The following WDR7 variants were observed in gnomAD, a reference collection of about 807,000 sequenced individuals.
The protein encoded by WDR7 is WD repeat domain 7.
Under a neutral mutation model 169.4 loss-of-function variants are expected in WDR7, and 46 were observed. The observed-to-expected ratio is 0.27, with a 90% CI of 0.21 to 0.35. WDR7 has a LOEUF of 0.35. Among genes scored for constraint, WDR7 ranks in the 10% least tolerant of loss-of-function variants. The probability of loss-of-function intolerance (pLI) is 1.00; values close to 1 mark genes in which losing one functional copy is unlikely to be tolerated. For synonymous variants in WDR7, 612 were observed against 666.8 expected (o/e 0.92, Z 1.27); for missense variants, 1,534 against 1,859.3 (o/e 0.83, Z 3.22).
chr18:56,679,301 T>C (rs1221380727), intron 2 of WDR7, 31 bp from the exon 3 acceptor site: 1 of 1,550,794 alleles, frequency 6.4e-7, no homozygotes, highest in Middle Eastern at 1.7e-4. Flanking sequence ...TTAAGTTTGG[T>C]ACTTAAACTA....
At chr18:57,023,126 C>T in intron 27 of WDR7, among the ~76,000 whole-genome samples, 1 of 152,216 alleles carries the variant, frequency 6.6e-6, no homozygotes, top group East Asian at 1.9e-4. Flanking sequence ...AAAACAAGTC[C>T]TTTCAGCTTT....
At chr18:56,844,368 A>G (rs909114310) in intron 20 of WDR7, among the ~76,000 whole-genome samples, 2 of 152,182 alleles carry the variant, frequency 1.3e-5, no homozygotes, top group African/African-American at 4.8e-5. Context: ...CTATTATTAG[A>G]ATAAATTTTT....
intron 13 of WDR7, among the ~76,000 whole-genome samples, chr18:56,728,504 C>G (rs1156389589): frequency 6.6e-6 from 1 of 152,138 alleles, no homozygotes; most frequent in Admixed American, 6.5e-5. Flanking sequence ...TTTATCCATC[C>G]TGGCTGATAC....
chr18:56,992,469 C>A (rs1275793825), intron 26 of WDR7, among the ~76,000 whole-genome samples: 3 of 152,036 alleles, frequency 2.0e-5, no homozygotes, highest in African/African-American at 7.2e-5. Context: ...AAGGAGTGAA[C>A]TTTCTTAAGC....
At chr18:56,772,741 GTATATA>G (rs955376975) in intron 16 of WDR7, among the ~76,000 whole-genome samples, 11 of 150,848 alleles carry the variant, frequency 7.3e-5, no homozygotes, top group Non-Finnish European at 1.3e-4. Flanking sequence ...TATATAGATA[GTATATA>G]TATTTATATT....
intron 20 of WDR7, among the ~76,000 whole-genome samples, chr18:56,816,912 ATTAAT>A (rs936991969): frequency 6.6e-6 from 1 of 152,354 alleles, no homozygotes; most frequent in African/African-American, 2.4e-5. Context: ...AGCAACAAAT[ATTAAT>A]TTAATAGTAA....
At chr18:56,799,676 C>T (rs2044641180) in intron 19 of WDR7, among the ~76,000 whole-genome samples, 4 of 152,098 alleles carry the variant, frequency 2.6e-5, no homozygotes. Flanking sequence ...TATATGTGTG[C>T]TAGCCTGATA....
Position 56,771,365 on chromosome 18 carries a change from A to G in WDR7, c.2849-5417A>G, listed in dbSNP as rs1392176223. On this transcript the variant is annotated intron_variant, in intron 16 of 27. Transcript: ENST00000254442. ...AGTAAAAATGTTATTGGCCTTCTTAATAGTAACCCTAAGCTAAAGAGAGGA... is the reference window on the plus strand; with the variant it reads ...AGTAAAAATGTTATTGGCCTTCTTAGTAGTAACCCTAAGCTAAAGAGAGGA... Among the ~76,000 whole-genome samples, 3 of 152,250 alleles carry G rather than the reference A, an allele frequency of 2.0e-5. No homozygotes were observed. In the East Asian group the frequency reaches 5.8e-4, roughly 29 times the overall value.
At chr18:56,878,173 C>T (rs563306217) in intron 20 of WDR7, among the ~76,000 whole-genome samples, 1 of 152,282 alleles carries the variant, frequency 6.6e-6, no homozygotes, top group Non-Finnish European at 1.5e-5. Flanking sequence ...TATTGGTATT[C>T]TAATCAAGAT....
intron 2 of WDR7, 87 bp downstream of exon 2, chr18:56,672,761 G>A: frequency 7.9e-7 from 1 of 1,262,584 alleles, no homozygotes; most frequent in Non-Finnish European, 1.0e-6. Flanking sequence ...ATGCTTTTGG[G>A]CCCACAGTAG....
chr18:56,844,829 A>G (rs948281343), intron 20 of WDR7, among the ~76,000 whole-genome samples: 2 of 152,216 alleles, frequency 1.3e-5, no homozygotes, highest in African/African-American at 4.8e-5. Context: ...CTTTCCTGGT[A>G]TAGTAGTTCC....
chr18:56,830,491 G>C (rs990407827), intron 20 of WDR7, among the ~76,000 whole-genome samples: 3 of 152,156 alleles, frequency 2.0e-5, no homozygotes, highest in African/African-American at 7.2e-5. Context: ...AATAGGAAAA[G>C]ATCTGTTAAG....
intron 19 of WDR7, among the ~76,000 whole-genome samples, chr18:56,790,119 A>T (rs910106609): frequency 1.3e-5 from 2 of 152,234 alleles, no homozygotes; most frequent in African/African-American, 4.8e-5. Context: ...AACACTGCAC[A>T]TGAATACCGG....
chr18:56,694,706 A>C lies in WDR7; in HGVS notation c.1054A>C (p.Arg352=), dbSNP rs752022945. Residue 352 remains arginine (R), a synonymous_variant, in exon 10 of 28, where the codon AGG becomes CGG. Coordinates refer to ENST00000254442, the MANE Select transcript of WDR7 (RefSeq NM_015285.3). The part of the protein sequence containing the change: ...KLLIQGDSSG[R]LNIWNISDTA... ...GTTAATTCAGGGTGATTCTTCTGGA[A>C]GGTTGAATATTTGGAACATATCAGA... The C allele has an allele frequency of 2.5e-6, 4 of 1,613,448 alleles. No individual in the cohort carries two copies. The African/African-American group carries it at 4.0e-5, about 16-fold the overall frequency.
At chr18:56,731,833 G>A (rs2026594429) in intron 14 of WDR7, among the ~76,000 whole-genome samples, 1 of 152,108 alleles carries the variant, frequency 6.6e-6, no homozygotes. Context: ...TGAATTAAGT[G>A]ACTTTAGTTT....
In WDR7 at chr18:56,939,412, G is replaced by C; in HGVS notation, c.4064+19G>C. The C allele has an allele frequency of 6.6e-7, 1 of 1,523,396 alleles. No homozygotes were observed. The highest frequency in any genetic ancestry group is 8.8e-7 in the Non-Finnish European group (1 of 1,131,738). The allele number at this position is 1,523,396 out of a possible 1,614,324, so 94.4% of individuals were successfully genotyped here. A position where few individuals can be genotyped will look rare whatever the true frequency, so the allele number is the denominator to read the frequency against. The stretch of plus-strand genomic sequence containing the variant: ...TCTGCAGGTAAAGAAGCCTTCAAGA[G>C]CATGCAGAATAAATAATTTTCAGTA... On this transcript the variant is annotated intron_variant, in intron 25 of 27. Coordinates refer to ENST00000254442, the MANE Select transcript of WDR7 (RefSeq NM_015285.3).
At chr18:57,012,466 C>T (rs1206135776) in intron 26 of WDR7, among the ~76,000 whole-genome samples, 1 of 152,040 alleles carries the variant, frequency 6.6e-6, no homozygotes, top group Non-Finnish European at 1.5e-5. Context: ...CTGCGAGGTC[C>T]CCTGAAATTC....
chr18:56,870,954 A>G (rs2045944004), intron 20 of WDR7, among the ~76,000 whole-genome samples: 1 of 152,220 alleles, frequency 6.6e-6, no homozygotes. Context: ...ACAGTTTTAT[A>G]TATGCTTTTT....
chr18:56,858,281 A>C (rs1026716478), intron 20 of WDR7, among the ~76,000 whole-genome samples: 4 of 152,058 alleles, frequency 2.6e-5, no homozygotes, highest in African/African-American at 9.7e-5. Context: ...GTTCACTGCC[A>C]CTACCCTTTT....
Sources: gnomAD v4.1 joint callset for allele counts (sites outside exome capture counted in the v4.1 genomes callset) on GRCh38, gnomAD v4.1.1 for gene constraint, MANE v1.5 for transcripts, NCBI Gene and HGNC (gene_info 2026-07-23, HGNC 2026-07-21) for gene names.